The following PARP14 variants were observed in gnomAD, a reference collection of about 807,000 sequenced individuals.
PARP14 encodes poly(ADP-ribose) polymerase family member 14.
Under a neutral mutation model 154.2 loss-of-function variants are expected in PARP14, and 59 were observed. The observed-to-expected ratio is 0.38, with a 90% CI of 0.31 to 0.48. The LOEUF (loss-of-function observed/expected upper bound fraction) is 0.48. PARP14 is among the 20% of genes least tolerant of loss of function. The probability of loss-of-function intolerance (pLI) is 0.98; values close to 1 mark genes in which losing one functional copy is unlikely to be tolerated. For synonymous variants in PARP14, 720 were observed against 780.5 expected (o/e 0.92, Z 1.29); for missense variants, 1,734 against 2,131.6 (o/e 0.81, Z 3.67).
chr3:122,712,247 T>C (rs979464818), intron 9 of PARP14, among the ~76,000 whole-genome samples: 10 of 151,660 alleles, frequency 6.6e-5, no homozygotes, highest in Non-Finnish European at 1.3e-4. Context: ...CATCTTTTTT[T>C]TTTTTTTTCT....
chr3:122,705,103 T>C (rs955521527), intron 8 of PARP14, among the ~76,000 whole-genome samples: 1 of 152,210 alleles, frequency 6.6e-6, no homozygotes, highest in Non-Finnish European at 1.5e-5. Flanking sequence ...TTGAAGCAAA[T>C]CTCAGACATA....
intron 15 of PARP14, among the ~76,000 whole-genome samples, chr3:122,724,804 G>T (rs919671136): frequency 6.6e-6 from 1 of 152,048 alleles, no homozygotes; most frequent in African/African-American, 2.4e-5. Flanking sequence ...GCGGCCTTCC[G>T]CAGTGTTTGT....
At chr3:122,702,253 G>A (rs1047724479) in intron 6 of PARP14, among the ~76,000 whole-genome samples, 17 of 152,164 alleles carry the variant, frequency 1.1e-4, no homozygotes, top group African/African-American at 4.1e-4. Context: ...GTCTCTCTCT[G>A]TCATCCAGGC....
chr3:122,701,574 G>T lies in PARP14; in HGVS notation c.3020G>T (p.Ser1007Ile). 6.2e-7 allele frequency: 1 copy of T among 1,608,720 alleles called. No individual in the cohort carries two copies. ...GGGAAAACATCATGGGAAAAAGGAA[G>T]CCTGGTGTCCCCGGGAGGCCTGCAG... The part of the protein sequence containing the change: ...GPGKTSWEKG[S>I]LVSPGGLQML... Residue 1007 changes from serine to isoleucine, a missense_variant, in exon 6 of 17, where the codon AGC (serine) becomes ATC (isoleucine). By Grantham distance (142) the Ser-to-Ile change is moderately radical. Coordinates refer to ENST00000474629, the MANE Select transcript of PARP14 (RefSeq NM_017554.3). This position sits in a 1 kb window ranked among gnomAD's most constrained non-coding sequence, Gnocchi z 4.0.
intron 15 of PARP14, among the ~76,000 whole-genome samples, chr3:122,727,322 C>T (rs536469634): frequency 2.0e-5 from 3 of 152,300 alleles, no homozygotes; most frequent in East Asian, 3.9e-4. Context: ...ATTCATGCAC[C>T]GGTCTTCCAA....
At chr3:122,688,972 A>T (rs1337974856) in intron 3 of PARP14, among the ~76,000 whole-genome samples, 1 of 152,202 alleles carries the variant, frequency 6.6e-6, no homozygotes, top group African/African-American at 2.4e-5. Context: ...GGATAAGCTT[A>T]GTTGGGCTGG....
chr3:122,688,459 A>G (rs1200279000), intron 3 of PARP14, among the ~76,000 whole-genome samples: 1 of 152,106 alleles, frequency 6.6e-6, no homozygotes, highest in African/African-American at 2.4e-5. Flanking sequence ...TTGTCCTGGG[A>G]ATTTTAGGCC....
Position 122,683,387 on chromosome 3 carries a change from C to T in PARP14, c.188-1798C>T, listed in dbSNP as rs140665297. Reference sequence around the variant, plus strand: ...AAGAATGAGCCCACCAGCACTTCTCCGTATTTATTCATGTATAGCAAATAG... The same window carrying T: ...AAGAATGAGCCCACCAGCACTTCTCTGTATTTATTCATGTATAGCAAATAG... On this transcript the variant is annotated intron_variant, in intron 1 of 16. Transcript: ENST00000474629. The T allele has an allele frequency of 9.7e-4, 458 of 471,106 alleles. 1 individual carries two copies. The highest frequency in any genetic ancestry group is 8.0e-3 in the Middle Eastern group (7 of 880). The allele number at this position is 471,106 out of a possible 1,614,324, so 29.2% of individuals were successfully genotyped here.
At chr3:122,688,770 A>G (rs921316071) in intron 3 of PARP14, among the ~76,000 whole-genome samples, 7 of 152,304 alleles carry the variant, frequency 4.6e-5, no homozygotes, top group Non-Finnish European at 8.8e-5. Context: ...AACCAACGCC[A>G]CCAACCAATA....
chr3:122,681,218 G>C lies in PARP14; in HGVS notation c.187+148G>C. 5.2e-6 allele frequency: 3 copies of C among 572,158 alleles called. No homozygotes were observed. The highest frequency in any genetic ancestry group is 2.1e-5 in the South Asian group (1 of 47,566). The allele number at this position is 572,158 out of a possible 1,614,324, so 35.4% of individuals were successfully genotyped here. On this transcript the variant is annotated intron_variant, in intron 1 of 16. Coordinates refer to ENST00000474629, the MANE Select transcript of PARP14 (RefSeq NM_017554.3). This position sits in a 1 kb window ranked among gnomAD's most constrained non-coding sequence, Gnocchi z 5.5. Reference sequence around the variant, plus strand: ...CCGGGGCGGGGGCGGGGGCGGGGGCGGCAGAATGGATTCCGAGCGCACCCG... The same window carrying C: ...CCGGGGCGGGGGCGGGGGCGGGGGCCGCAGAATGGATTCCGAGCGCACCCG...
chr3:122,693,386 T>C (rs1938600625), intron 4 of PARP14, among the ~76,000 whole-genome samples: 1 of 152,150 alleles, frequency 6.6e-6, no homozygotes, highest in African/African-American at 2.4e-5. Context: ...AGAGCACAGG[T>C]CATGGAGTCA....
intron 2 of PARP14, among the ~76,000 whole-genome samples, chr3:122,686,003 C>A (rs533448669): frequency 5.3e-5 from 8 of 152,004 alleles, no homozygotes; most frequent in Admixed American, 3.9e-4. Flanking sequence ...TAAGTATTAC[C>A]CCAATTGTAA....
rs267599575 is a variant in PARP14 at position 122,718,439 on chromosome 3, C to T, written c.4288C>T (p.Arg1430Trp). The change falls in exon 14 of 17, where the codon CGG becomes TGG. Residue 1430 changes from arginine to tryptophan, a missense_variant. Transcript: ENST00000474629. ...LEKKTESATFRVCGENVTCVE... is the reference protein window; with the variant it reads ...LEKKTESATFWVCGENVTCVE... ...AAAGAAAACAGAATCAGCAACTTTTCGGGTGTGTGGTGAAAATGTCACGTG... is the reference window on the plus strand; with the variant it reads ...AAAGAAAACAGAATCAGCAACTTTTTGGGTGTGTGGTGAAAATGTCACGTG... The T allele has an allele frequency of 5.0e-6, 8 of 1,613,642 alleles. No individual in the cohort carries two copies. Among genetic ancestry groups the T allele is most frequent in the Middle Eastern group, 1.6e-4 (1 of 6,084 alleles).
intron 10 of PARP14, 53 bp from the exon 11 acceptor site, chr3:122,713,819 T>A: frequency 7.8e-7 from 1 of 1,283,514 alleles, no homozygotes; most frequent in Non-Finnish European, 1.1e-6. Context: ...GATCCAAATA[T>A]ACCATAGTGG....
chr3:122,704,099 T>C (rs1012677327), intron 7 of PARP14, 121 bp downstream of exon 7: 14 of 692,290 alleles, frequency 2.0e-5, no homozygotes, highest in Non-Finnish European at 3.5e-5. Flanking sequence ...AATCACTCTT[T>C]TGGCAGATTC....
At position 122,681,818 on chromosome 3, in the gene PARP14, G is replaced by A. The variant is rs1938218408; in HGVS notation, c.187+748G>A. ...CTACTTGGTGGGCCAAGAGCCCAGA[G>A]GTGATCTGCTGGCTCAAGGGCCTCC... On this transcript the variant is annotated intron_variant, in intron 1 of 16. Coordinates refer to ENST00000474629, the MANE Select transcript of PARP14 (RefSeq NM_017554.3). This position sits in a 1 kb window ranked among gnomAD's most constrained non-coding sequence, Gnocchi z 5.5. 2.0e-5 allele frequency among the ~76,000 whole-genome samples: 3 copies of A among 152,190 alleles called. No individual in the cohort carries two copies. In the South Asian group the frequency reaches 6.2e-4, roughly 31 times the overall value.
At chr3:122,689,037 G>A (rs984904376) in intron 3 of PARP14, among the ~76,000 whole-genome samples, 5 of 152,196 alleles carry the variant, frequency 3.3e-5, no homozygotes, top group Non-Finnish European at 7.3e-5. Flanking sequence ...ACAAGGGCAA[G>A]AGCAGAGAAA....
chr3:122,702,693 C>G (rs535526699), intron 6 of PARP14, among the ~76,000 whole-genome samples: 1 of 152,272 alleles, frequency 6.6e-6, no homozygotes, highest in East Asian at 1.9e-4. Context: ...TGTTCAGGCT[C>G]TTAACCATTG....
At chr3:122,696,234 T>C (rs998205531) in intron 5 of PARP14, among the ~76,000 whole-genome samples, 1 of 152,186 alleles carries the variant, frequency 6.6e-6, no homozygotes, top group Non-Finnish European at 1.5e-5. Context: ...CTCTGAGGCA[T>C]ATGCAAGGTC....
Sources: allele counts gnomAD v4.1 joint callset (sites outside exome capture counted in the v4.1 genomes callset), GRCh38; gene constraint gnomAD v4.1.1; non-coding constraint Gnocchi (gnomAD v3.1); transcripts MANE v1.5; gene names NCBI Gene and HGNC (gene_info 2026-07-23, HGNC 2026-07-21).